The following NUDCD3 variants were observed in gnomAD, a reference collection of about 807,000 sequenced individuals.
The protein encoded by NUDCD3 is NudC domain containing 3, also known as nudC domain-containing protein 3.
Under a neutral mutation model 39.7 loss-of-function variants are expected in NUDCD3, and 13 were observed. The ratio of observed to expected loss-of-function variants is 0.33; its 90% CI spans 0.21 to 0.52. NUDCD3 has a LOEUF of 0.52. Among genes scored for constraint, NUDCD3 ranks in the 20% least tolerant of loss-of-function variants. The pLI, the probability that NUDCD3 is intolerant of heterozygous loss-of-function variation, is 0.96. For synonymous variants in NUDCD3, 175 were observed against 172.4 expected (o/e 1.02, Z -0.12); for missense variants, 453 against 458.1 (o/e 0.99, Z 0.10).
At chr7:44,467,817 T>TAAAAAAAA in intron 2 of NUDCD3, 1 of 863,818 alleles carries the variant, frequency 1.2e-6, no homozygotes, top group Non-Finnish European at 1.7e-6. Flanking sequence ...AAGACCTCAG[T>TAAAAAAAA]AAAAAAAAAA....
chr7:44,416,351 A>T (rs1393042610), intron 3 of NUDCD3, among the ~76,000 whole-genome samples: 2 of 152,136 alleles, frequency 1.3e-5, no homozygotes, highest in Non-Finnish European at 2.9e-5. Flanking sequence ...AGCCTCCCAA[A>T]GTGCTGGGAT....
At chr7:44,459,536 C>A (rs1341241808) in intron 2 of NUDCD3, among the ~76,000 whole-genome samples, 1 of 152,088 alleles carries the variant, frequency 6.6e-6, no homozygotes, top group African/African-American at 2.4e-5. Flanking sequence ...AAAGAACTAG[C>A]AAATATAATT....
At chr7:44,484,827 G>A (rs898158893) in intron 2 of NUDCD3, 141 bp downstream of exon 2, 21 of 687,914 alleles carry the variant, frequency 3.1e-5, no homozygotes, top group Middle Eastern at 6.4e-4. Context: ...AGACTGTAAT[G>A]CAGCAGTTTA....
At chr7:44,387,768 G>T (rs1402548171) in intron 5 of NUDCD3, among the ~76,000 whole-genome samples, 2 of 152,168 alleles carry the variant, frequency 1.3e-5, no homozygotes, top group African/African-American at 4.8e-5. Context: ...AGGGTGCCAA[G>T]ATCAGCACTC....
At chr7:44,453,100 C>A (rs1030813049) in intron 2 of NUDCD3, among the ~76,000 whole-genome samples, 1 of 152,160 alleles carries the variant, frequency 6.6e-6, no homozygotes, top group Non-Finnish European at 1.5e-5. Context: ...CGCCTGTAAT[C>A]CCAGCACTTT....
chr7:44,401,511 C>T (rs1329515701), intron 4 of NUDCD3, among the ~76,000 whole-genome samples: 2 of 152,178 alleles, frequency 1.3e-5, no homozygotes, highest in African/African-American at 4.8e-5. Context: ...AGTTTAAATG[C>T]TCTCCATAAC....
Position 44,386,093 on chromosome 7 carries a change from C to T in NUDCD3, c.1004G>A (p.Trp335Ter). 1 of 1,614,138 alleles carries T rather than the reference C, an allele frequency of 6.2e-7. No homozygotes were observed. Among genetic ancestry groups the T allele is most frequent in the Non-Finnish European group, 8.5e-7 (1 of 1,179,972 alleles). Residue 335 changes from tryptophan (W) to a stop codon, truncating the protein, a stop_gained, in exon 6 of 6, where the codon TGG (tryptophan) becomes TAG (stop). Transcript: ENST00000355451. LOFTEE classifies it high-confidence loss of function. Reference protein sequence around the residue: ...LKVHEMLKKGWDAEGSPFRGQ... With the variant: ...LKVHEMLKKG Reference sequence around the variant, plus strand: ...TCGGAAGGGAGAACCTTCAGCATCCCACCCCTTCTTCAGCATCTCATGGAC... The same window carrying T: ...TCGGAAGGGAGAACCTTCAGCATCCTACCCCTTCTTCAGCATCTCATGGAC...
chr7:44,434,308 T>C (rs1215843606), intron 2 of NUDCD3, among the ~76,000 whole-genome samples: 1 of 152,148 alleles, frequency 6.6e-6, no homozygotes, highest in Non-Finnish European at 1.5e-5. Context: ...TCTTGGCCTC[T>C]GCAGCCTTCA....
intron 2 of NUDCD3, among the ~76,000 whole-genome samples, chr7:44,456,789 G>T (rs976256935): frequency 1.3e-5 from 2 of 151,942 alleles, no homozygotes; most frequent in African/African-American, 2.4e-5. Context: ...ACTTCCTAAG[G>T]GTCAAACTGT....
At chr7:44,449,465 G>A (rs1446406599) in intron 2 of NUDCD3, among the ~76,000 whole-genome samples, 2 of 152,160 alleles carry the variant, frequency 1.3e-5, no homozygotes, top group Admixed American at 1.3e-4. Context: ...AGGACTGGGT[G>A]GAACTGAAGA....
chr7:44,445,393 C>A (rs573571685), intron 2 of NUDCD3, among the ~76,000 whole-genome samples: 26 of 152,324 alleles, frequency 1.7e-4, no homozygotes, highest in African/African-American at 6.0e-4. Context: ...AGTGTGGTCC[C>A]TGCCAGCCCC....
intron 2 of NUDCD3, among the ~76,000 whole-genome samples, chr7:44,474,534 C>T (rs1331456109): frequency 6.6e-6 from 1 of 152,202 alleles, no homozygotes; most frequent in Non-Finnish European, 1.5e-5. Context: ...AAAAACTCCA[C>T]AGATGATTCT....
At chr7:44,412,926 C>CAAA (rs767754442) in intron 3 of NUDCD3, among the ~76,000 whole-genome samples, 1,473 of 43,672 alleles carry the variant, frequency 0.034, 43 homozygotes, top group African/African-American at 0.041. Context: ...GACGCCGTCT[C>CAAA]AAAAAAAAAA....
chr7:44,483,716 T>C (rs182953024), intron 2 of NUDCD3, among the ~76,000 whole-genome samples: 6 of 152,154 alleles, frequency 3.9e-5, no homozygotes, highest in Admixed American at 3.9e-4. Context: ...CCATATTTTA[T>C]AAGCCATTCC....
intron 2 of NUDCD3, among the ~76,000 whole-genome samples, chr7:44,449,395 G>A (rs1195857770): frequency 3.3e-5 from 5 of 152,206 alleles, no homozygotes; most frequent in Non-Finnish European, 7.3e-5. Context: ...TTGTGAGAAA[G>A]CCACTGTATT....
chr7:44,469,234 CT>C (rs1348521504), intron 2 of NUDCD3, among the ~76,000 whole-genome samples: 1 of 150,882 alleles, frequency 6.6e-6, no homozygotes, highest in Non-Finnish European at 1.5e-5. Flanking sequence ...GACCCATCTG[CT>C]TTTTGTTCTC....
At chr7:44,473,585 A>G (rs1386259821) in intron 2 of NUDCD3, among the ~76,000 whole-genome samples, 2 of 152,242 alleles carry the variant, frequency 1.3e-5, no homozygotes, top group African/African-American at 4.8e-5. Context: ...TTGTCTGTGC[A>G]TGTGTACTAT....
At chr7:44,416,646 C>T (rs183796457) in intron 3 of NUDCD3, among the ~76,000 whole-genome samples, 5 of 152,084 alleles carry the variant, frequency 3.3e-5, no homozygotes, top group Non-Finnish European at 7.4e-5. Flanking sequence ...ATTAGGTCAG[C>T]GAGCATCACA....
chr7:44,421,605 A>C (rs1006327159), intron 3 of NUDCD3, among the ~76,000 whole-genome samples: 2 of 152,144 alleles, frequency 1.3e-5, no homozygotes, highest in Non-Finnish European at 2.9e-5. Context: ...GGATCAATGA[A>C]ACTAGAAGAG....
Sources: gnomAD v4.1 joint callset for allele counts (sites outside exome capture counted in the v4.1 genomes callset) on GRCh38, gnomAD v4.1.1 for gene constraint, MANE v1.5 for transcripts, NCBI Gene and HGNC (gene_info 2026-07-23, HGNC 2026-07-21) for gene names.